The following NBAS variants were observed in gnomAD, a reference collection of about 807,000 sequenced individuals.
NBAS encodes the protein NBAS subunit of NRZ tethering complex, also known as NAG/BC035112 fusion.
Under a neutral mutation model 302.5 loss-of-function variants are expected in NBAS, and 219 were observed. That is an observed-to-expected ratio of 0.72 (90% confidence interval 0.65 to 0.81). NBAS has a LOEUF of 0.81. NBAS is among the 30% of genes least tolerant of loss of function. The probability of loss-of-function intolerance (pLI) is 0.00; values close to 1 mark genes in which losing one functional copy is unlikely to be tolerated. For missense variants in NBAS, 2,932 were observed against 2,841.6 expected (o/e 1.03, Z -0.72); for synonymous variants, 1,118 against 1,021.6 (o/e 1.09, Z -1.80).
the NBAS span, among the ~76,000 whole-genome samples, chr2:15,053,158 T>A: frequency 6.6e-6 from 1 of 152,330 alleles, no homozygotes; most frequent in African/African-American, 2.4e-5. Flanking sequence ...TTTATAAGCA[T>A]GATTAAAATG....
At chr2:15,023,425 TTACGTGAGAAA>T in the NBAS span, among the ~76,000 whole-genome samples, 3 of 152,100 alleles carry the variant, frequency 2.0e-5, no homozygotes, top group Admixed American at 2.0e-4. Context: ...AATAGTTACA[TTACGTGAGAAA>T]GATCAGCATG....
the NBAS span, among the ~76,000 whole-genome samples, chr2:15,000,841 C>A: frequency 6.6e-6 from 1 of 152,182 alleles, no homozygotes; most frequent in African/African-American, 2.4e-5. Flanking sequence ...GTGCCAGACA[C>A]ACCTGGGCAC....
At chr2:14,893,054 T>C in the NBAS span, among the ~76,000 whole-genome samples, 1 of 152,198 alleles carries the variant, frequency 6.6e-6, no homozygotes, top group African/African-American at 2.4e-5. Context: ...TGTTTTTAAA[T>C]ATTTATTGAT....
At chr2:15,150,366 T>C in the NBAS span, among the ~76,000 whole-genome samples, 1 of 152,276 alleles carries the variant, frequency 6.6e-6, no homozygotes, top group East Asian at 1.9e-4. Flanking sequence ...TTTGGTAGAT[T>C]TTCATGCTAA....
At chr2:14,964,944 T>C in the NBAS span, among the ~76,000 whole-genome samples, 1 of 151,918 alleles carries the variant, frequency 6.6e-6, no homozygotes, top group Non-Finnish European at 1.5e-5. Flanking sequence ...TACCATATAA[T>C]CAAAGAATAA....
chr2:15,268,621 T>C lies in NBAS; in HGVS notation c.5724+6863A>G, dbSNP rs181187346. On this transcript the variant is annotated intron_variant, in intron 44 of 51. Coordinates refer to ENST00000281513, the MANE Select transcript of NBAS (RefSeq NM_015909.4). The stretch of plus-strand genomic sequence containing the variant: ...GGGCCACCTCGCTGGAGCCCACAAA[T>C]AGGAGGCAGACCTTCTGACAAAGCA... Among the ~76,000 whole-genome samples the C allele has an allele frequency of 1.8e-4, 27 of 152,306 alleles. No individual in the cohort carries two copies. In the East Asian group the frequency reaches 5.0e-3, roughly 28 times the overall value.
At chr2:14,902,165 T>C in the NBAS span, among the ~76,000 whole-genome samples, 1 of 152,194 alleles carries the variant, frequency 6.6e-6, no homozygotes. Flanking sequence ...AGGGTCTCAC[T>C]CCGTCACCCA....
the NBAS span, among the ~76,000 whole-genome samples, chr2:14,844,263 G>T: frequency 6.6e-6 from 1 of 152,082 alleles, no homozygotes; most frequent in Non-Finnish European, 1.5e-5. Flanking sequence ...CCCTGTTCCA[G>T]GCCGTAGCTC....
chr2:15,496,425 A>C (rs1681075740), intron 11 of NBAS, among the ~76,000 whole-genome samples: 1 of 152,204 alleles, frequency 6.6e-6, no homozygotes, highest in African/African-American at 2.4e-5. Flanking sequence ...AGTTCTGTGA[A>C]TATACTAAAA....
At chr2:15,395,687 G>A (rs1449682769) in intron 27 of NBAS, among the ~76,000 whole-genome samples, 5 of 151,904 alleles carry the variant, frequency 3.3e-5, no homozygotes, top group African/African-American at 1.2e-4. Flanking sequence ...ACTACTATTA[G>A]TAAAGTAATG....
the NBAS span, among the ~76,000 whole-genome samples, chr2:14,782,210 C>T: frequency 1.3e-5 from 2 of 152,118 alleles, no homozygotes; most frequent in Non-Finnish European, 2.9e-5. Flanking sequence ...TCTTATAAAA[C>T]ATGCATCTGC....
intron 35 of NBAS, among the ~76,000 whole-genome samples, chr2:15,346,986 T>C (rs13000361): frequency 0.64 from 97,982 of 151,920 alleles, 32,314 homozygotes; most frequent in Middle Eastern, 0.69. Flanking sequence ...GAACAACACA[T>C]ACCAGGGCCT....
the NBAS span, among the ~76,000 whole-genome samples, chr2:15,027,394 CTG>C: frequency 5.9e-5 from 9 of 151,814 alleles, no homozygotes; most frequent in African/African-American, 2.2e-4. Flanking sequence ...TTATCTGTCA[CTG>C]TGTATACTTT....
chr2:14,779,808 C>T, the NBAS span, among the ~76,000 whole-genome samples: 2 of 152,152 alleles, frequency 1.3e-5, no homozygotes, highest in Non-Finnish European at 2.9e-5. Context: ...CACTGCTATA[C>T]CCCAGTGTCT....
At chr2:14,787,335 T>C in the NBAS span, among the ~76,000 whole-genome samples, 2 of 152,172 alleles carry the variant, frequency 1.3e-5, no homozygotes, top group Admixed American at 1.3e-4. Flanking sequence ...AAAGTTAATA[T>C]TGTTATGTGT....
At chr2:15,374,527 A>T in intron 31 of NBAS, 81 bp downstream of exon 31, 1 of 1,181,466 alleles carries the variant, frequency 8.5e-7, no homozygotes, top group Non-Finnish European at 1.3e-6. Flanking sequence ...GCTACTCTTT[A>T]GTTTTAAAAA....
intron 48 of NBAS, among the ~76,000 whole-genome samples, chr2:15,195,871 T>C (rs1665596161): frequency 6.6e-6 from 1 of 152,204 alleles, no homozygotes; most frequent in South Asian, 2.1e-4. Context: ...CGTACAACTC[T>C]AGTAAACACA....
At chr2:14,907,859 C>A in the NBAS span, among the ~76,000 whole-genome samples, 3 of 152,188 alleles carry the variant, frequency 2.0e-5, no homozygotes, top group Non-Finnish European at 4.4e-5. Flanking sequence ...TGTGAGGACT[C>A]TCTGTACCCG....
At chr2:14,916,978 G>A in the NBAS span, among the ~76,000 whole-genome samples, 1 of 152,210 alleles carries the variant, frequency 6.6e-6, no homozygotes, top group Non-Finnish European at 1.5e-5. Context: ...GCTTTTTTAG[G>A]TTCCTGCTGG....
Sources: allele counts gnomAD v4.1 joint callset (sites outside exome capture counted in the v4.1 genomes callset), GRCh38; gene constraint gnomAD v4.1.1; transcripts MANE v1.5; gene names NCBI Gene and HGNC (gene_info 2026-07-23, HGNC 2026-07-21).